The following PCDHGB4 variants were observed in gnomAD, a reference collection of about 807,000 sequenced individuals.
PCDHGB4 encodes the protein protocadherin gamma-B4.
Under a neutral mutation model 60.5 loss-of-function variants are expected in PCDHGB4, and 38 were observed. The observed-to-expected ratio is 0.63, with a 90% CI of 0.48 to 0.82. The LOEUF (loss-of-function observed/expected upper bound fraction) is 0.82, where lower values mean the gene tolerates loss of function less well. Among genes scored for constraint, PCDHGB4 ranks in the 40% least tolerant of loss-of-function variants. PCDHGB4 has a pLI of 0.00. For missense variants in PCDHGB4, 1,109 were observed against 1,209.6 expected (o/e 0.92, Z 1.23); for synonymous variants, 456 against 509.7 (o/e 0.89, Z 1.42).
rs11953770 is a variant in PCDHGB4 at position 141,510,741 on chromosome 5, C to T, written c.2546-206C>T. On this transcript the variant is annotated intron_variant, in intron 3 of 3. Coordinates refer to ENST00000519479, the MANE Select transcript of PCDHGB4 (RefSeq NM_003736.4). ...TAAGGAAAGGAGCTAGGAATCAAACCTAGACTTTCTCACTCCAGAGCCTCT... is the reference window on the plus strand; with the variant it reads ...TAAGGAAAGGAGCTAGGAATCAAACTTAGACTTTCTCACTCCAGAGCCTCT... Among the ~76,000 whole-genome samples the T allele has an allele frequency of 2.6e-5, 4 of 152,138 alleles. No homozygotes were observed. In the South Asian group the frequency reaches 8.3e-4, roughly 32 times the overall value.
chr5:141,399,506 A>G, intron 1 of PCDHGB4: 1 of 1,613,982 alleles, frequency 6.2e-7, no homozygotes, highest in Non-Finnish European at 8.5e-7. Flanking sequence ...GTACCCGAAA[A>G]CAACCCTCCT....
chr5:141,423,887 T>C, intron 1 of PCDHGB4: 2 of 1,282,240 alleles, frequency 1.6e-6, no homozygotes, highest in Non-Finnish European at 2.0e-6. Context: ...CTTGGCATAT[T>C]TTCTTTTGAT....
rs762476625 is a variant in PCDHGB4 at position 141,420,218 on chromosome 5, C to A, written c.2397+29937C>A. On this transcript the variant is annotated intron_variant, in intron 1 of 3. Coordinates refer to ENST00000519479, the MANE Select transcript of PCDHGB4 (RefSeq NM_003736.4). The stretch of plus-strand genomic sequence containing the variant: ...AGATAACCTCAACAAAGATAGCATG[C>A]TACTGGCTAGCATTTTAACTCCCAG... 4 of 1,608,408 alleles carry A rather than the reference C, an allele frequency of 2.5e-6. No individual in the cohort carries two copies. In the South Asian group the frequency reaches 4.4e-5, roughly 18 times the overall value.
intron 1 of PCDHGB4, among the ~76,000 whole-genome samples, chr5:141,401,612 C>A (rs1190962219): frequency 6.6e-6 from 1 of 152,146 alleles, no homozygotes; most frequent in Non-Finnish European, 1.5e-5. Context: ...AAAAAGACAC[C>A]GGATTTGTCT....
chr5:141,413,351 C>A (rs774333807), intron 1 of PCDHGB4: 6 of 1,613,932 alleles, frequency 3.7e-6, no homozygotes, highest in South Asian at 1.1e-5. Flanking sequence ...TTGGGTCTGG[C>A]GCCCCGGGAG....
intron 1 of PCDHGB4, 62 bp from the exon 2 acceptor site, chr5:141,494,745 G>T: frequency 1.2e-6 from 2 of 1,612,802 alleles, no homozygotes; most frequent in African/African-American, 1.3e-5. Context: ...ATCCCTAGGG[G>T]CTCGGGTGAC....
At chr5:141,438,631 TATATACAC>T (rs1213304454) in intron 1 of PCDHGB4, among the ~76,000 whole-genome samples, 683 of 43,114 alleles carry the variant, frequency 0.016, 2 homozygotes, top group African/African-American at 0.049. Context: ...TATATATATA[TATATACAC>T]ACACACACAC....
intron 1 of PCDHGB4, chr5:141,403,303 C>A: frequency 6.2e-7 from 1 of 1,613,820 alleles, no homozygotes; most frequent in African/African-American, 1.3e-5. Context: ...TGAAACTGTA[C>A]GGAATAGAAA....
At chr5:141,472,805 G>C (rs2099297767) in intron 1 of PCDHGB4, among the ~76,000 whole-genome samples, 1 of 151,688 alleles carries the variant, frequency 6.6e-6, no homozygotes, top group African/African-American at 2.4e-5. Context: ...GACCAACATG[G>C]AGAAACCCCC....
chr5:141,462,811 T>C (rs893444929), intron 1 of PCDHGB4, among the ~76,000 whole-genome samples: 1 of 152,206 alleles, frequency 6.6e-6, no homozygotes, highest in Non-Finnish European at 1.5e-5. Context: ...ATAATGTTTT[T>C]ATTGGACAGC....
At chr5:141,463,296 C>T (rs1194250577) in intron 1 of PCDHGB4, among the ~76,000 whole-genome samples, 1 of 151,986 alleles carries the variant, frequency 6.6e-6, no homozygotes, top group African/African-American at 2.4e-5. Flanking sequence ...CTCCTAATCT[C>T]CCCAAACTCT....
At position 141,433,401 on chromosome 5, in the gene PCDHGB4, A is replaced by C. The variant is rs181247960; in HGVS notation, c.2397+43120A>C. ...TATCTATCTATCTATCTATCTATCT[A>C]TCTATTACTTTCTTGTACAGACAGG... On this transcript the variant is annotated intron_variant, in intron 1 of 3. Transcript: ENST00000519479. Among the ~76,000 whole-genome samples, 679 of 150,596 alleles carry C rather than the reference A, an allele frequency of 4.5e-3. 8 individuals carry two copies. The highest frequency in any genetic ancestry group is 0.015 in the African/African-American group (630 of 40,956).
Position 141,389,223 on chromosome 5 carries a change from G to T in PCDHGB4, c.1339G>T (p.Ala447Ser). 3 of 1,613,994 alleles carry T rather than the reference G, an allele frequency of 1.9e-6. No homozygotes were observed. Among genetic ancestry groups the T allele is most frequent in the East Asian group, 2.2e-5 (1 of 44,888 alleles). Reference sequence around the variant, plus strand: ...GCACATTGGTGATGTAAATGACAACGCTCCGGTTTTCTCACAGTCTTCCTA... The same window carrying T: ...GCACATTGGTGATGTAAATGACAACTCTCCGGTTTTCTCACAGTCTTCCTA... Reference protein sequence around the residue: ...TLHIGDVNDNAPVFSQSSYIV... With the variant: ...TLHIGDVNDNSPVFSQSSYIV... The change falls in exon 1 of 4, where the codon GCT becomes TCT. Residue 447 changes from alanine (A) to serine (S), a missense_variant. By Grantham distance (99) the Ala-to-Ser change is moderately conservative. This residue lies in a region of PCDHGB4 where 1,068 missense variants were observed against 1,089.9 expected (regional missense o/e 0.98). Coordinates refer to ENST00000519479, the MANE Select transcript of PCDHGB4 (RefSeq NM_003736.4).
chr5:141,470,791 A>G (rs1234712958), intron 1 of PCDHGB4, among the ~76,000 whole-genome samples: 3 of 152,152 alleles, frequency 2.0e-5, no homozygotes, highest in African/African-American at 7.2e-5. Context: ...GGGCTCAAGC[A>G]ATCCTCCCAC....
intron 1 of PCDHGB4, chr5:141,393,113 G>C: frequency 6.2e-7 from 1 of 1,613,500 alleles, no homozygotes. Flanking sequence ...CTCAGAGCCC[G>C]CGGTGTCTGA....
intron 1 of PCDHGB4, among the ~76,000 whole-genome samples, chr5:141,472,992 A>G (rs2099309983): frequency 6.6e-6 from 1 of 151,994 alleles, no homozygotes; most frequent in South Asian, 2.1e-4. Context: ...AAAAAAAAAA[A>G]AAAAAGAAAG....
chr5:141,452,652 C>T (rs1420422511), intron 1 of PCDHGB4, among the ~76,000 whole-genome samples: 1 of 151,916 alleles, frequency 6.6e-6, no homozygotes. Flanking sequence ...TCATTTGCTC[C>T]ATCCACTGCA....
intron 1 of PCDHGB4, among the ~76,000 whole-genome samples, chr5:141,470,997 A>G (rs905897657): frequency 3.8e-4 from 57 of 150,462 alleles, no homozygotes; most frequent in African/African-American, 1.3e-3. Flanking sequence ...GACTACAGGC[A>G]TGAGCCACTG....
At chr5:141,420,160 T>G in intron 1 of PCDHGB4, 1 of 1,614,044 alleles carries the variant, frequency 6.2e-7, no homozygotes, top group Non-Finnish European at 8.5e-7. Flanking sequence ...AATTTAATTT[T>G]TTCACATCTG....
Sources: gnomAD v4.1 joint callset for allele counts (sites outside exome capture counted in the v4.1 genomes callset) on GRCh38, gnomAD v4.1.1 for gene constraint, gnomAD v4.1.1 regional missense constraint, MANE v1.5 for transcripts, NCBI Gene and HGNC (gene_info 2026-07-23, HGNC 2026-07-21) for gene names.